MTO1: variants seen among roughly 807,000 people sequenced by gnomAD.
MTO1 encodes mitochondrial tRNA translation optimization 1.
In MTO1, 46 loss-of-function variants were observed where a neutral mutation model predicts 71.6. The observed-to-expected ratio is 0.64, with a 90% confidence interval of 0.51 to 0.82. MTO1 has a LOEUF of 0.82. Among genes scored for constraint, MTO1 ranks in the 40% least tolerant of loss-of-function variants. The pLI, the probability that MTO1 is intolerant of heterozygous loss-of-function variation, is 0.00. For missense variants in MTO1, 773 were observed against 867.5 expected (o/e 0.89, Z 1.37); for synonymous variants, 297 against 312.1 (o/e 0.95, Z 0.51).
chr6:73,470,286 A>G (rs1234412282), intron 3 of MTO1, among the ~76,000 whole-genome samples: 1 of 151,796 alleles, frequency 6.6e-6, no homozygotes, highest in African/African-American at 2.4e-5. Flanking sequence ...GGCTTACTGC[A>G]ACCTCTGCCC....
chr6:73,499,249 T>C (rs1042936554), intron 11 of MTO1, among the ~76,000 whole-genome samples: 9 of 152,202 alleles, frequency 5.9e-5, no homozygotes, highest in Non-Finnish European at 1.3e-4. Context: ...TTAAATTTTA[T>C]GACTTTGTCC....
chr6:73,486,707 A>C, intron 9 of MTO1: 1 of 318,136 alleles, frequency 3.1e-6, no homozygotes, highest in Non-Finnish European at 6.3e-6. Flanking sequence ...CATTGCACCC[A>C]AACCTGAGGG....
chr6:73,468,058 A>G, intron 3 of MTO1, among the ~76,000 whole-genome samples: 1 of 151,480 alleles, frequency 6.6e-6, no homozygotes, highest in East Asian at 1.9e-4. Context: ...TGACCTTGTG[A>G]TCCACCCGCC....
chr6:73,503,564 A>C lies in MTO1; in HGVS notation c.*2829A>C, dbSNP rs1772215500. On this transcript the variant is annotated 3_prime_UTR_variant, in exon 12 of 12. Transcript: ENST00000498286. ...AGAAATCAGCTAAAAATGTAACCTT[A>C]CTCAATGTAGTTACTTCATAGAAAT... 6.6e-6 allele frequency: 1 copy of C among 152,178 alleles called. No individual in the cohort carries two copies. Among genetic ancestry groups the C allele is most frequent in the Non-Finnish European group, 1.5e-5 (1 of 68,048 alleles). The allele number at this position is 152,178 out of a possible 1,614,324, so 9.4% of individuals were successfully genotyped here.
intron 10 of MTO1, among the ~76,000 whole-genome samples, chr6:73,496,395 T>G (rs1300276738): frequency 6.6e-6 from 1 of 152,162 alleles, no homozygotes; most frequent in Non-Finnish European, 1.5e-5. Flanking sequence ...ATTTAAATTA[T>G]GTTTTGTCAA....
Position 73,501,996 on chromosome 6 carries a change from A to G in MTO1, c.*1261A>G, listed in dbSNP as rs1216525409. On this transcript the variant is annotated 3_prime_UTR_variant, in exon 12 of 12. Coordinates refer to ENST00000498286, the MANE Select transcript of MTO1 (RefSeq NM_012123.4). The stretch of plus-strand genomic sequence containing the variant: ...AGCAGTAAGATTAGTAGCAAGTAAA[A>G]AGTATTTGTAGTGCTGGATAATTTA... 1 of 152,194 alleles carries G rather than the reference A, an allele frequency of 6.6e-6. No homozygotes were observed. Among genetic ancestry groups the G allele is most frequent in the Non-Finnish European group, 1.5e-5 (1 of 68,044 alleles). 9.4% of individuals were successfully genotyped at this position (152,194 alleles called of 1,614,324 possible). A position where few individuals can be genotyped will look rare whatever the true frequency, so the allele number is the denominator to read the frequency against.
At chr6:73,493,688 G>A (rs1392287049) in intron 10 of MTO1, among the ~76,000 whole-genome samples, 1 of 151,538 alleles carries the variant, frequency 6.6e-6, no homozygotes, top group Non-Finnish European at 1.5e-5. Flanking sequence ...ACTGCACCCA[G>A]CATATATATA....
intron 1 of MTO1, among the ~76,000 whole-genome samples, chr6:73,463,221 C>CG (rs1691725347): frequency 6.6e-6 from 1 of 151,542 alleles, no homozygotes; most frequent in African/African-American, 2.4e-5. Flanking sequence ...TTAGTAGAGT[C>CG]GGGGTTTCAC....
rs181939534 is a variant in MTO1 at position 73,472,202 on chromosome 6, G to A, written c.536-1163G>A. On this transcript the variant is annotated intron_variant, in intron 3 of 11. Coordinates refer to ENST00000498286, the MANE Select transcript of MTO1 (RefSeq NM_012123.4). Reference sequence around the variant, plus strand: ...CTTAAGTTATAGCTATCTCCCCTCTGCTAGATGAGTTACCATTCTTCCAAA... The same window carrying A: ...CTTAAGTTATAGCTATCTCCCCTCTACTAGATGAGTTACCATTCTTCCAAA... Among the ~76,000 whole-genome samples, 790 of 152,150 alleles carry A rather than the reference G, an allele frequency of 5.2e-3. 3 individuals are homozygous for A. The highest frequency in any genetic ancestry group is 8.4e-3 in the Non-Finnish European group (572 of 68,010).
At chr6:73,470,059 ATGTC>A (rs1478621905) in intron 3 of MTO1, among the ~76,000 whole-genome samples, 3 of 152,106 alleles carry the variant, frequency 2.0e-5, no homozygotes, top group Admixed American at 2.0e-4. Flanking sequence ...TCAAATATCA[ATGTC>A]TGTTAGTTCT....
At chr6:73,474,597 C>G (rs1309021496) in intron 4 of MTO1, among the ~76,000 whole-genome samples, 1 of 150,286 alleles carries the variant, frequency 6.7e-6, no homozygotes, top group Non-Finnish European at 1.5e-5. Context: ...TGCAAGCACC[C>G]GCCATCATGC....
At chr6:73,476,133 CA>C (rs913257699) in intron 4 of MTO1, among the ~76,000 whole-genome samples, 4 of 151,464 alleles carry the variant, frequency 2.6e-5, no homozygotes, top group Non-Finnish European at 5.9e-5. Flanking sequence ...GAGGCTGAGG[CA>C]GGTGGATCAC....
intron 4 of MTO1, among the ~76,000 whole-genome samples, chr6:73,477,535 C>G (rs1771361368): frequency 7.3e-6 from 1 of 137,280 alleles, no homozygotes; most frequent in South Asian, 2.4e-4. Flanking sequence ...GAGATAGGAT[C>G]TCACTGTGTT....
At chr6:73,488,910 C>A (rs1234382729) in intron 9 of MTO1, among the ~76,000 whole-genome samples, 2 of 152,104 alleles carry the variant, frequency 1.3e-5, no homozygotes, top group Non-Finnish European at 2.9e-5. Flanking sequence ...GAGCAAGACT[C>A]CGTCTAAAAA....
At position 73,461,801 on chromosome 6, in the gene MTO1, T is replaced by G; in HGVS notation, c.-54T>G. Reference sequence around the variant, plus strand: ...GCAGATTGTCTCTTGTTGCGTAAGTTTTTTTGACCGTCACTCGTGTCAGCT... The same window carrying G: ...GCAGATTGTCTCTTGTTGCGTAAGTGTTTTTGACCGTCACTCGTGTCAGCT... On this transcript the variant is annotated 5_prime_UTR_variant, in exon 1 of 12. Coordinates refer to ENST00000498286, the MANE Select transcript of MTO1 (RefSeq NM_012123.4). The G allele has an allele frequency of 1.3e-6, 2 of 1,574,676 alleles. No individual in the cohort carries two copies. The highest frequency in any genetic ancestry group is 2.3e-5 in the East Asian group (1 of 44,244).
intron 4 of MTO1, among the ~76,000 whole-genome samples, chr6:73,475,183 G>A (rs193092461): frequency 2.6e-5 from 4 of 151,592 alleles, no homozygotes; most frequent in South Asian, 4.2e-4. Context: ...GGCTGGTCTC[G>A]TACTCCTGAG....
At chr6:73,483,915 A>G (rs1414061327) in intron 9 of MTO1, among the ~76,000 whole-genome samples, 1 of 151,108 alleles carries the variant, frequency 6.6e-6, no homozygotes, top group Non-Finnish European at 1.5e-5. Context: ...AGTAGCTAGG[A>G]TTACAGGCAT....
intron 4 of MTO1, among the ~76,000 whole-genome samples, chr6:73,477,926 G>A (rs1212764563): frequency 6.6e-6 from 1 of 152,062 alleles, no homozygotes; most frequent in Non-Finnish European, 1.5e-5. Context: ...TTTTTGAAGT[G>A]TAGAGGCCAC....
In MTO1 at chr6:73,497,157, C is replaced by CTTTTTTTTTTTTTT. The variant is rs765385743; in HGVS notation, c.1757-566_1757-565insTTTTTTTTTTTTTT. Among the ~76,000 whole-genome samples the CTTTTTTTTTTTTTT allele has an allele frequency of 4.7e-3, 436 of 92,698 alleles. 41 individuals are homozygous for CTTTTTTTTTTTTTT. The highest frequency in any genetic ancestry group is 5.1e-3 in the East Asian group (13 of 2,528). The allele number at this position is 92,698 out of a possible 152,430, so 60.8% of individuals were successfully genotyped here. ...TTTGCACTGACAGCGGAAGCAAATT[C>CTTTTTTTTTTTTTT]TTTTTTTTTTTTTGAGACAGAGTCT... is the stretch of plus-strand genomic sequence containing the variant. On this transcript the variant is annotated intron_variant, in intron 10 of 11. Transcript: ENST00000498286.
Sources: gnomAD v4.1 joint callset for allele counts (sites outside exome capture counted in the v4.1 genomes callset) on GRCh38, gnomAD v4.1.1 for gene constraint, MANE v1.5 for transcripts, NCBI Gene and HGNC (gene_info 2026-07-23, HGNC 2026-07-21) for gene names.